Variants in PPFIA2 observed in about 807,000 individuals in gnomAD.
PPFIA2 encodes the protein liprin-alpha-2.
Under a neutral mutation model 175.5 loss-of-function variants are expected in PPFIA2, and 46 were observed. That is an observed-to-expected ratio of 0.26 (90% CI 0.21 to 0.34). The LOEUF (loss-of-function observed/expected upper bound fraction) is 0.34, where lower values mean the gene tolerates loss of function less well. PPFIA2 is among the 10% of genes least tolerant of loss of function. The pLI is 1.00. For synonymous variants in PPFIA2, 568 were observed against 511.4 expected (o/e 1.11, Z -1.49); for missense variants, 1,179 against 1,506.1 (o/e 0.78, Z 3.60).
intron 4 of PPFIA2, among the ~76,000 whole-genome samples, chr12:81,635,491 TG>T (rs1279082971): frequency 6.6e-6 from 1 of 152,234 alleles, no homozygotes; most frequent in African/African-American, 2.4e-5. Context: ...CAAGAATGTC[TG>T]TAGCCTCAAC....
At position 81,627,785 on chromosome 12, in the gene PPFIA2, A is replaced by G. The variant is rs887809374; in HGVS notation, c.303+49006T>C. Among the ~76,000 whole-genome samples the G allele has an allele frequency of 3.3e-5, 5 of 152,126 alleles. No individual in the cohort carries two copies. In the East Asian group the frequency reaches 9.6e-4, roughly 29 times the overall value. The stretch of plus-strand genomic sequence containing the variant: ...TTTCATAGGTTGCCCTCTTGTGGCC[A>G]TCTGTAAAGCTACTAACAACAAAAT... On this transcript the variant is annotated intron_variant, in intron 4 of 32. Coordinates refer to ENST00000549396, the MANE Select transcript of PPFIA2 (RefSeq NM_003625.5).
At chr12:81,473,130 G>A (rs1032117164) in intron 4 of PPFIA2, among the ~76,000 whole-genome samples, 2 of 152,100 alleles carry the variant, frequency 1.3e-5, no homozygotes, top group South Asian at 2.1e-4. Context: ...ATGTAGGGCC[G>A]GGTGCGGTGA....
chr12:81,732,009 G>C (rs1056399381), intron 3 of PPFIA2, among the ~76,000 whole-genome samples: 7 of 151,476 alleles, frequency 4.6e-5, no homozygotes, highest in Admixed American at 1.3e-4. Flanking sequence ...AATTCTTCAA[G>C]CCTATGTCAC....
At chr12:81,440,205 T>C (rs1027774731) in intron 6 of PPFIA2, among the ~76,000 whole-genome samples, 159 bp from the exon 7 acceptor site, 3 of 152,172 alleles carry the variant, frequency 2.0e-5, no homozygotes, top group Non-Finnish European at 4.4e-5. Context: ...AGAAATACAA[T>C]GAATGCATTG....
At chr12:81,611,264 T>C (rs1399119553) in intron 4 of PPFIA2, among the ~76,000 whole-genome samples, 1 of 152,104 alleles carries the variant, frequency 6.6e-6, no homozygotes, top group Non-Finnish European at 1.5e-5. Flanking sequence ...GCACCGTTTA[T>C]GAACCAGCTC....
In PPFIA2 at chr12:81,463,446, C is replaced by A. The variant is rs376952951; in HGVS notation, c.304-5580G>T. 1.9e-4 allele frequency among the ~76,000 whole-genome samples: 29 copies of A among 152,216 alleles called. 1 individual carries two copies. Among genetic ancestry groups the A allele is most frequent in the African/African-American group, 7.0e-4 (29 of 41,550 alleles). Reference sequence around the variant, plus strand: ...TTTTCAGACTATTTTGTTCACCAACCTATGCATGGCAAATACTTTCTTTTT... The same window carrying A: ...TTTTCAGACTATTTTGTTCACCAACATATGCATGGCAAATACTTTCTTTTT... On this transcript the variant is annotated intron_variant, in intron 4 of 32. Coordinates refer to ENST00000549396, the MANE Select transcript of PPFIA2 (RefSeq NM_003625.5).
chr12:81,727,859 T>C (rs2080297770), intron 3 of PPFIA2, among the ~76,000 whole-genome samples: 1 of 151,362 alleles, frequency 6.6e-6, no homozygotes, highest in Non-Finnish European at 1.5e-5. Context: ...CACTTAGTAC[T>C]AGTTGCATGG....
At chr12:81,719,591 T>C (rs74736387) in intron 3 of PPFIA2, among the ~76,000 whole-genome samples, 1,912 of 151,628 alleles carry the variant, frequency 0.013, 39 homozygotes, top group African/African-American at 0.043. Flanking sequence ...TAAGCCAAAG[T>C]GAAGCATTTG....
chr12:81,471,773 TG>T (rs2056771594), intron 4 of PPFIA2, among the ~76,000 whole-genome samples: 1 of 152,140 alleles, frequency 6.6e-6, no homozygotes, highest in African/African-American at 2.4e-5. Flanking sequence ...ACAGTGAATA[TG>T]GGTTTCAATT....
At chr12:81,375,125 A>G (rs868022971) in intron 10 of PPFIA2, among the ~76,000 whole-genome samples, 3 of 152,116 alleles carry the variant, frequency 2.0e-5, no homozygotes, top group Admixed American at 6.6e-5. Context: ...TGGAGAGGTA[A>G]TGTAGCATGA....
chr12:81,355,429 ATTGGC>A lies in PPFIA2; in HGVS notation c.1774-2095_1774-2091del, dbSNP rs372942924. ...AGGATTTTCAGCATAGTGAATGAGC[ATTGGC>A]TTCAGCTTACAGTCACTAGCTGCAT... On this transcript the variant is annotated intron_variant, in intron 16 of 32. Transcript: ENST00000549396. Among the ~76,000 whole-genome samples the A allele has an allele frequency of 2.5e-3, 379 of 152,276 alleles. 4 individuals carry two copies. Among genetic ancestry groups the A allele is most frequent in the African/African-American group, 8.6e-3 (357 of 41,558 alleles).
chr12:81,607,991 T>C (rs2060503395), intron 4 of PPFIA2, among the ~76,000 whole-genome samples: 1 of 152,014 alleles, frequency 6.6e-6, no homozygotes, highest in Non-Finnish European at 1.5e-5. Context: ...CTGTTGGGGG[T>C]TTTTATCATG....
At chr12:81,476,644 A>T (rs910717996) in intron 4 of PPFIA2, among the ~76,000 whole-genome samples, 2 of 152,218 alleles carry the variant, frequency 1.3e-5, no homozygotes, top group African/African-American at 4.8e-5. Context: ...TGTGGAAGAC[A>T]GTGTGGCAAT....
chr12:81,386,698 G>A (rs2039051490), intron 8 of PPFIA2, among the ~76,000 whole-genome samples: 1 of 152,010 alleles, frequency 6.6e-6, no homozygotes. Flanking sequence ...GAGAAGTTTT[G>A]TAGTGAGGAC....
At chr12:81,613,501 C>T (rs986234120) in intron 4 of PPFIA2, among the ~76,000 whole-genome samples, 5 of 152,086 alleles carry the variant, frequency 3.3e-5, no homozygotes, top group African/African-American at 7.2e-5. Context: ...AATATTTCTT[C>T]TCTGGATAAA....
intron 7 of PPFIA2, among the ~76,000 whole-genome samples, chr12:81,412,295 G>T (rs1592587284): frequency 7.5e-6 from 1 of 133,040 alleles, no homozygotes; most frequent in Admixed American, 8.3e-5. Context: ...AATGCAGACA[G>T]TTTCCTTCTC....
intron 4 of PPFIA2, among the ~76,000 whole-genome samples, chr12:81,595,057 C>G (rs2059095931): frequency 6.6e-6 from 1 of 151,924 alleles, no homozygotes; most frequent in Non-Finnish European, 1.5e-5. Context: ...TGAGGGGAGC[C>G]ATGGTGGTGG....
chr12:81,733,587 T>A (rs2081206320), intron 3 of PPFIA2, among the ~76,000 whole-genome samples: 1 of 151,716 alleles, frequency 6.6e-6, no homozygotes, highest in African/African-American at 2.4e-5. Context: ...ATTTTATCTA[T>A]ATATAAAATG....
At chr12:81,336,673 A>C (rs571639947) in intron 21 of PPFIA2, among the ~76,000 whole-genome samples, 1 of 152,266 alleles carries the variant, frequency 6.6e-6, no homozygotes, top group South Asian at 2.1e-4. Context: ...AACTTAAGTC[A>C]TGTGTCTCTG....
Sources: gnomAD v4.1 joint callset for allele counts (sites outside exome capture counted in the v4.1 genomes callset) on GRCh38, gnomAD v4.1.1 for gene constraint, MANE v1.5 for transcripts, NCBI Gene and HGNC (gene_info 2026-07-23, HGNC 2026-07-21) for gene names.